The following MRPS30 variants were observed in gnomAD, a reference collection of about 807,000 sequenced individuals.
MRPS30 encodes the protein mitochondrial ribosomal protein S30, also known as large ribosomal subunit protein mL65.
Under a neutral mutation model 43.8 loss-of-function variants are expected in MRPS30, and 42 were observed. The observed-to-expected ratio is 0.96, with a 90% CI of 0.75 to 1.24. MRPS30 has a LOEUF of 1.24. MRPS30 is among the 50% of genes most tolerant of loss of function. MRPS30 has a pLI of 0.00. For missense variants in MRPS30, 638 were observed against 570.0 expected (o/e 1.12, Z -1.22); for synonymous variants, 273 against 228.2 (o/e 1.20, Z -1.77).
At chr5:44,810,552 G>A (rs1237905187) in intron 1 of MRPS30, among the ~76,000 whole-genome samples, 1 of 152,142 alleles carries the variant, frequency 6.6e-6, no homozygotes, top group Admixed American at 6.5e-5. Flanking sequence ...TGAGAAAGAA[G>A]TGGTCTTGAG....
intron 4 of MRPS30, 82 bp downstream of exon 4, chr5:44,813,364 T>A: frequency 8.2e-7 from 1 of 1,215,986 alleles, no homozygotes; most frequent in Middle Eastern, 2.2e-4. Flanking sequence ...TTTCTTTGGG[T>A]TAAAACATAG....
chr5:44,811,119 AAC>A lies in MRPS30; in HGVS notation c.714_715del (p.Asn238LysfsTer29), dbSNP rs1167166868. ...DLRYQIDDKPNNQIRISKQLA... is the reference protein window; with the variant it reads ...DLRYQIDDKPXNQIRISKQLA... The stretch of plus-strand genomic sequence containing the variant: ...GCGATACCAGATAGATGATAAACCA[AAC>A]AACCAGATTCGAATATCCAAGCAAC... On this transcript the variant is annotated frameshift_variant, in exon 2 of 5. Transcript: ENST00000507110. LOFTEE classifies it high-confidence loss of function. 6.2e-7 allele frequency: 1 copy of A among 1,614,070 alleles called. No individual in the cohort carries two copies. Among genetic ancestry groups the A allele is most frequent in the East Asian group, 2.2e-5 (1 of 44,852 alleles).
Position 44,809,268 on chromosome 5 carries a change from C to T in MRPS30, c.306C>T (p.Ala102=), listed in dbSNP as rs1742778853. The stretch of plus-strand genomic sequence containing the variant: ...ACCCGCAGACCTTCGCGCTGAATGC[C>T]GACCGCTGGTACCAGTACTTCACCA... ...MVYPQTFALN[A]DRWYQYFTKT... The change falls in exon 1 of 5, where the codon GCC becomes GCT. Residue 102 remains alanine, a synonymous_variant. Transcript: ENST00000507110. 1.2e-6 allele frequency: 2 copies of T among 1,613,382 alleles called. No individual in the cohort carries two copies. Among genetic ancestry groups the T allele is most frequent in the Non-Finnish European group, 1.7e-6 (2 of 1,179,890 alleles).
chr5:44,809,360 C>G lies in MRPS30; in HGVS notation c.398C>G (p.Pro133Arg), dbSNP rs748624992. 10 of 1,608,548 alleles carry G rather than the reference C, an allele frequency of 6.2e-6. No homozygotes were observed. The South Asian group carries it at 9.9e-5, about 16-fold the overall frequency. The change falls in exon 1 of 5, where the codon CCT (proline) becomes CGT (arginine). Residue 133 changes from proline to arginine, a missense_variant. By Grantham distance (103) the Pro-to-Arg change is moderately radical. Transcript: ENST00000507110. ...AEPEPEPEPE[P>R]EPALDLAALR... ...CCCGAGCCCGAGCCCGAACCCGAACCTGAACCTGCGCTGGACCTCGCGGCG... is the reference window on the plus strand; with the variant it reads ...CCCGAGCCCGAGCCCGAACCCGAACGTGAACCTGCGCTGGACCTCGCGGCG...
chr5:44,809,495 A>G lies in MRPS30; in HGVS notation c.533A>G (p.Asp178Gly), dbSNP rs748901579. Residue 178 changes from aspartate to glycine, a missense_variant, in exon 1 of 5, where the codon GAT becomes GGT. Asp to Gly is a moderately conservative substitution (Grantham distance 94). Transcript: ENST00000507110. ...GAGGTCATATCTTTGCCCTTCCTGG[A>G]TCAGCTGGTGTCAACCCTCGTGGGC... ...ESEVISLPFLDQLVSTLVGLL... is the reference protein window; with the variant it reads ...ESEVISLPFLGQLVSTLVGLL... 6 of 1,613,784 alleles carry G rather than the reference A, an allele frequency of 3.7e-6. No homozygotes were observed. In the South Asian group the frequency reaches 6.6e-5, roughly 18 times the overall value.
intron 2 of MRPS30, among the ~76,000 whole-genome samples, chr5:44,811,660 G>T (rs1480899494): frequency 6.6e-6 from 1 of 152,194 alleles, no homozygotes; most frequent in African/African-American, 2.4e-5. Flanking sequence ...AGTCTCTGTT[G>T]CAAGTGTTCA....
Position 44,815,141 on chromosome 5 carries a change from A to G in MRPS30, c.1259A>G (p.Gln420Arg). The G allele has an allele frequency of 1.2e-6, 2 of 1,613,020 alleles. No individual in the cohort carries two copies. The highest frequency in any genetic ancestry group is 1.7e-6 in the Non-Finnish European group (2 of 1,179,582). ...GGTTTTAATGATGATGTTCTACTTC[A>G]GATAGTTCACTTTCTACTGAATAGA... ...VKGFNDDVLLQIVHFLLNRPK... is the reference protein window; with the variant it reads ...VKGFNDDVLLRIVHFLLNRPK... The change falls in exon 5 of 5, where the codon CAG (glutamine) becomes CGG (arginine). Residue 420 changes from glutamine (Q) to arginine (R), a missense_variant. By Grantham distance (43) the Gln-to-Arg change is conservative. Coordinates refer to ENST00000507110, the MANE Select transcript of MRPS30 (RefSeq NM_016640.4).
intron 3 of MRPS30, 137 bp from the exon 4 acceptor site, chr5:44,812,969 A>G (rs933515448): frequency 3.3e-5 from 23 of 692,296 alleles, no homozygotes; most frequent in Non-Finnish European, 5.4e-5. Context: ...TAAGTAAACT[A>G]ATATTCCTAC....
Position 44,813,151 on chromosome 5 carries a change from A to G in MRPS30, c.899A>G (p.His300Arg), listed in dbSNP as rs1462961116. 15 of 1,613,348 alleles carry G rather than the reference A, an allele frequency of 9.3e-6. No individual in the cohort carries two copies. Among genetic ancestry groups the G allele is most frequent in the Non-Finnish European group, 1.3e-5 (15 of 1,179,702 alleles). ...TGCTGTTACGGTCACACCCAGTTTCATCTGTTACCTGACAAATTAAGAAGG... is the reference window on the plus strand; with the variant it reads ...TGCTGTTACGGTCACACCCAGTTTCGTCTGTTACCTGACAAATTAAGAAGG... ...DPCCYGHTQF[H>R]LLPDKLRRER... The change falls in exon 4 of 5, where the codon CAT becomes CGT. Residue 300 changes from histidine (H) to arginine (R), a missense_variant. By Grantham distance (29) the His-to-Arg change is conservative. Transcript: ENST00000507110.
In MRPS30 at chr5:44,809,238, G is replaced by C; in HGVS notation, c.276G>C (p.Met92Ile). 3 of 1,613,678 alleles carry C rather than the reference G, an allele frequency of 1.9e-6. No individual in the cohort carries two copies. Among genetic ancestry groups the C allele is most frequent in the Non-Finnish European group, 2.5e-6 (3 of 1,179,928 alleles). Residue 92 changes from methionine to isoleucine, a missense_variant, in exon 1 of 5, where the codon ATG becomes ATC. Physicochemically the swap from Met to Ile is conservative, Grantham distance 10. Transcript: ENST00000507110. The stretch of plus-strand genomic sequence containing the variant: ...CCAAGATGCAGTTTATGAAGTACAT[G>C]GTTTACCCGCAGACCTTCGCGCTGA... ...ILTKMQFMKY[M>I]VYPQTFALNA...
At chr5:44,812,801 A>G (rs1231318446) in intron 3 of MRPS30, among the ~76,000 whole-genome samples, 1 of 152,130 alleles carries the variant, frequency 6.6e-6, no homozygotes. Flanking sequence ...GCTAATCATG[A>G]CTAAGGGATT....
chr5:44,814,745 T>C (rs534954768), intron 4 of MRPS30, among the ~76,000 whole-genome samples, 168 bp from the exon 5 acceptor site: 18 of 152,280 alleles, frequency 1.2e-4, no homozygotes, highest in African/African-American at 2.6e-4. Context: ...AAATAAAATA[T>C]AGGGTTAGAA....
In MRPS30 at chr5:44,814,913, G is replaced by A; in HGVS notation, c.1031G>A (p.Gly344Glu). The A allele has an allele frequency of 6.3e-7, 1 of 1,598,550 alleles. No homozygotes were observed. Among genetic ancestry groups the A allele is most frequent in the East Asian group, 2.2e-5 (1 of 44,730 alleles). Reference protein sequence around the residue: ...AWTGAQAMYQGFWSEADVTRP... With the variant: ...AWTGAQAMYQEFWSEADVTRP... Reference sequence around the variant, plus strand: ...ATTTCAGCATAACTTTCTTCTACAGGATTCTGGAGTGAAGCAGATGTTACT... The same window carrying A: ...ATTTCAGCATAACTTTCTTCTACAGAATTCTGGAGTGAAGCAGATGTTACT... The change falls in exon 5 of 5, where the codon GGA (glycine) becomes GAA (glutamate). Residue 344 changes from glycine to glutamate, a missense_variant and splice_region_variant. Coordinates refer to ENST00000507110, the MANE Select transcript of MRPS30 (RefSeq NM_016640.4).
In MRPS30 at chr5:44,811,153, A is replaced by G. The variant is rs1742834307; in HGVS notation, c.746A>G (p.Glu249Gly). Residue 249 changes from glutamate (E) to glycine (G), a missense_variant and splice_region_variant, in exon 2 of 5, where the codon GAG becomes GGG. Glu to Gly is a moderately conservative substitution (Grantham distance 98). Transcript: ENST00000507110. ...ATTCGAATATCCAAGCAACTCGCAG[A>G]GGTAAGGATTTATTGCGATTATGTA... ...NQIRISKQLA[E>G]FVPLDYSVPI... is the part of the protein sequence containing the mutation. 2 of 1,613,764 alleles carry G rather than the reference A, an allele frequency of 1.2e-6. No individual in the cohort carries two copies. The highest frequency in any genetic ancestry group is 3.3e-5 in the Admixed American group (2 of 59,998).
At chr5:44,810,978 A>G in intron 1 of MRPS30, 31 bp from the exon 2 acceptor site, 4 of 1,598,732 alleles carry the variant, frequency 2.5e-6, no homozygotes, top group Non-Finnish European at 3.4e-6. Flanking sequence ...AGATGATCAG[A>G]TGAAAAAAAT....
rs1279390298 is a variant in MRPS30, at chr5:44,809,224, T to C, written c.262T>C (p.Phe88Leu). 6.2e-7 allele frequency: 1 copy of C among 1,613,582 alleles called. No homozygotes were observed. Among genetic ancestry groups the C allele is most frequent in the East Asian group, 2.2e-5 (1 of 44,872 alleles). ...EKLRILTKMQ[F>L]MKYMVYPQTF... ...GCTGCGAATCCTCACCAAGATGCAGTTTATGAAGTACATGGTTTACCCGCA... is the reference window on the plus strand; with the variant it reads ...GCTGCGAATCCTCACCAAGATGCAGCTTATGAAGTACATGGTTTACCCGCA... Residue 88 changes from phenylalanine (F) to leucine (L), a missense_variant, in exon 1 of 5, where the codon TTT becomes CTT. Phe to Leu is a conservative substitution (Grantham distance 22, BLOSUM62 0). Coordinates refer to ENST00000507110, the MANE Select transcript of MRPS30 (RefSeq NM_016640.4).
intron 4 of MRPS30, 36 bp downstream of exon 4, chr5:44,813,318 A>G: frequency 6.6e-7 from 1 of 1,509,776 alleles, no homozygotes; most frequent in South Asian, 1.3e-5. Context: ...CTTTGAAGGT[A>G]TTTGTAACAT....
chr5:44,810,009 T>C (rs1742810998), intron 1 of MRPS30: 1 of 159,344 alleles, frequency 6.3e-6, no homozygotes, highest in African/African-American at 2.4e-5. Context: ...CTTTTCTTTT[T>C]CTTTAGTAAC....
rs1742783858 is a variant in MRPS30, at chr5:44,809,355, C to G, written c.393C>G (p.Pro131=). 2.5e-6 allele frequency: 4 copies of G among 1,608,282 alleles called. No individual in the cohort carries two copies. The highest frequency in any genetic ancestry group is 3.4e-6 in the Non-Finnish European group (4 of 1,177,514). ...CGGAGCCCGAGCCCGAGCCCGAACC[C>G]GAACCTGAACCTGCGCTGGACCTCG... ...PPAEPEPEPE[P]EPEPALDLAA... Residue 131 remains proline, a synonymous_variant, in exon 1 of 5, where the codon CCC becomes CCG. Transcript: ENST00000507110.
Sources: gnomAD v4.1 joint callset for allele counts (sites outside exome capture counted in the v4.1 genomes callset) on GRCh38, gnomAD v4.1.1 for gene constraint, MANE v1.5 for transcripts, NCBI Gene and HGNC (gene_info 2026-07-23, HGNC 2026-07-21) for gene names.